The following ANKRD62 variants were observed in gnomAD, a reference collection of about 807,000 sequenced individuals.
ANKRD62 encodes the protein ankyrin repeat domain-containing protein 62.
A neutral mutation model predicts 98.8 loss-of-function variants in ANKRD62; 61 were observed. The ratio of observed to expected loss-of-function variants is 0.62; its 90% CI spans 0.50 to 0.76. The LOEUF (loss-of-function observed/expected upper bound fraction) is 0.76. ANKRD62 is among the 30% of genes least tolerant of loss of function. ANKRD62 has a pLI of 0.00. For missense variants in ANKRD62, 933 were observed against 1,082.9 expected (o/e 0.86, Z 1.94); for synonymous variants, 341 against 367.9 (o/e 0.93, Z 0.84).
intron 8 of ANKRD62, among the ~76,000 whole-genome samples, chr18:12,110,169 T>G (rs987456824): frequency 2.0e-5 from 3 of 152,244 alleles, no homozygotes; most frequent in South Asian, 2.1e-4. Context: ...TTACAAAAAT[T>G]AAGTTTACGA....
the ANKRD62 span, among the ~76,000 whole-genome samples, chr18:12,169,882 A>T: frequency 6.6e-6 from 1 of 152,120 alleles, no homozygotes; most frequent in African/African-American, 2.4e-5. Flanking sequence ...CCAGGAATTT[A>T]TCCATTTCTT....
the ANKRD62 span, among the ~76,000 whole-genome samples, chr18:12,168,943 C>T: frequency 0.61 from 93,273 of 151,902 alleles, 29,060 homozygotes; most frequent in Middle Eastern, 0.76. Context: ...TTGTCTGTTA[C>T]TGGTGTATAA....
chr18:12,161,777 A>G, the ANKRD62 span, among the ~76,000 whole-genome samples: 250 of 152,196 alleles, frequency 1.6e-3, no homozygotes, highest in Non-Finnish European at 2.5e-3. Context: ...GAGAACATCA[A>G]TGTTTTTCTT....
At chr18:12,164,298 G>A in the ANKRD62 span, among the ~76,000 whole-genome samples, 1 of 151,724 alleles carries the variant, frequency 6.6e-6, no homozygotes, top group African/African-American at 2.4e-5. Flanking sequence ...AGTTGCTCAT[G>A]GTAGCCACTA....
At chr18:12,150,344 A>G in the ANKRD62 span, among the ~76,000 whole-genome samples, 3 of 152,230 alleles carry the variant, frequency 2.0e-5, no homozygotes, top group Non-Finnish European at 2.9e-5. Flanking sequence ...CATCCCTGAA[A>G]GGGACAGAGA....
At chr18:12,122,752 A>T (rs1177590600) in intron 11 of ANKRD62, among the ~76,000 whole-genome samples, 1 of 152,162 alleles carries the variant, frequency 6.6e-6, no homozygotes, top group Non-Finnish European at 1.5e-5. Context: ...ATTCCACCCT[A>T]TGGAAATTTC....
Position 12,097,624 on chromosome 18 carries a change from A to G in ANKRD62, c.615-16A>G, listed in dbSNP as rs899940880. On this transcript the variant is annotated splice_polypyrimidine_tract_variant and intron_variant, in intron 4 of 13. Coordinates refer to ENST00000587848, the MANE Select transcript of ANKRD62 (RefSeq NM_001277333.2). ...TGCTAAAGTTCCTAAGCATGAAATT[A>G]TCTTTCTTATTTTAGAACAGCCCTG... 7 of 1,520,128 alleles carry G rather than the reference A, an allele frequency of 4.6e-6. No individual in the cohort carries two copies. Among genetic ancestry groups the G allele is most frequent in the East Asian group, 2.5e-5 (1 of 40,764 alleles). The allele number at this position is 1,520,128 out of a possible 1,614,324, so 94.2% of individuals were successfully genotyped here.
chr18:12,139,803 G>T, the ANKRD62 span, among the ~76,000 whole-genome samples: 3 of 152,010 alleles, frequency 2.0e-5, no homozygotes, highest in Non-Finnish European at 4.4e-5. Flanking sequence ...TTCAACTTTG[G>T]TGAATCTGAC....
At chr18:12,151,802 AAGAT>A in the ANKRD62 span, among the ~76,000 whole-genome samples, 36 of 152,156 alleles carry the variant, frequency 2.4e-4, no homozygotes, top group Admixed American at 9.2e-4. Flanking sequence ...AAAATTTAAT[AAGAT>A]AGATAGACCA....
At chr18:12,169,685 T>C in the ANKRD62 span, among the ~76,000 whole-genome samples, 2 of 152,330 alleles carry the variant, frequency 1.3e-5, no homozygotes, top group South Asian at 2.1e-4. Flanking sequence ...TTTCTATTGA[T>C]AGGGGTAGTT....
At chr18:12,168,255 T>C in the ANKRD62 span, among the ~76,000 whole-genome samples, 3 of 152,188 alleles carry the variant, frequency 2.0e-5, no homozygotes, top group Non-Finnish European at 4.4e-5. Context: ...TTCTAGGGTT[T>C]TTATGGTTTT....
At chr18:12,136,359 T>C in the ANKRD62 span, among the ~76,000 whole-genome samples, 2 of 152,142 alleles carry the variant, frequency 1.3e-5, no homozygotes, top group Admixed American at 6.6e-5. Flanking sequence ...GTTGTAGATA[T>C]GTGGCATTAT....
chr18:12,140,715 C>G, the ANKRD62 span, among the ~76,000 whole-genome samples: 2 of 152,162 alleles, frequency 1.3e-5, no homozygotes, highest in African/African-American at 4.8e-5. Flanking sequence ...GAAGTTTTGT[C>G]TCAGAGGAGT....
At chr18:12,156,592 T>C in the ANKRD62 span, among the ~76,000 whole-genome samples, 1 of 152,160 alleles carries the variant, frequency 6.6e-6, no homozygotes, top group Admixed American at 6.5e-5. Flanking sequence ...TAAGTCTAGA[T>C]ATTACTTTGA....
the ANKRD62 span, among the ~76,000 whole-genome samples, chr18:12,151,247 A>G: frequency 1.3e-5 from 2 of 152,222 alleles, no homozygotes; most frequent in African/African-American, 4.8e-5. Flanking sequence ...ACTATTCTGA[A>G]TATGTATGCA....
the ANKRD62 span, among the ~76,000 whole-genome samples, chr18:12,166,160 C>T: frequency 1.3e-5 from 2 of 152,010 alleles, no homozygotes; most frequent in African/African-American, 2.4e-5. Context: ...CCTTTCTGTA[C>T]TTGGATGTTG....
intron 6 of ANKRD62, chr18:12,102,175 A>C (rs1351695788): frequency 2.1e-6 from 2 of 949,064 alleles, no homozygotes; most frequent in Non-Finnish European, 3.5e-6. Context: ...ATGAAGAGTG[A>C]GGGTTGCAGC....
downstream of ANKRD62, among the ~76,000 whole-genome samples, chr18:12,134,607 G>A (rs1176956586): frequency 6.6e-6 from 1 of 152,094 alleles, no homozygotes; most frequent in Non-Finnish European, 1.5e-5. Context: ...TCCCACCTAT[G>A]AGTGAGAACA....
At chr18:12,121,608 C>T (rs995784297) in intron 10 of ANKRD62, among the ~76,000 whole-genome samples, 2 of 152,026 alleles carry the variant, frequency 1.3e-5, no homozygotes, top group Non-Finnish European at 2.9e-5. Flanking sequence ...TTTGTTTTAC[C>T]GGATTCTTAG....
Sources: gnomAD v4.1 joint callset for allele counts (sites outside exome capture counted in the v4.1 genomes callset) on GRCh38, gnomAD v4.1.1 for gene constraint, MANE v1.5 for transcripts, NCBI Gene and HGNC (gene_info 2026-07-23, HGNC 2026-07-21) for gene names.